SOX6: variants seen among roughly 807,000 people sequenced by gnomAD.
SOX6 encodes SRY-box transcription factor 6, also known as transcription factor SOX-6.
A neutral mutation model predicts 97.8 loss-of-function variants in SOX6; 11 were observed. That is an observed-to-expected ratio of 0.11 (90% confidence interval 0.07 to 0.19). The LOEUF (loss-of-function observed/expected upper bound fraction) is 0.19. SOX6 is among the 10% of genes least tolerant of loss of function. The pLI is 1.00. For missense variants in SOX6, 810 were observed against 1,039.5 expected, an observed-to-expected ratio of 0.78 and a Z score of 3.04; for synonymous variants, 360 against 371.4, an observed-to-expected ratio of 0.97 and a Z score of 0.35.
chr11:16,673,705 T>TA (rs962558402), intron 3 of SOX6, among the ~76,000 whole-genome samples: 39 of 151,560 alleles, frequency 2.6e-4, no homozygotes, highest in Non-Finnish European at 4.7e-4. Context: ...CAAACTATTC[T>TA]AAAAAAAACC....
At chr11:16,226,150 AT>A (rs914963960) in intron 4 of SOX6, among the ~76,000 whole-genome samples, 26 of 151,562 alleles carry the variant, frequency 1.7e-4, no homozygotes, top group Non-Finnish European at 2.7e-4. Context: ...TGTTTAGTCA[AT>A]TTTTTTTTCT....
chr11:16,397,227 T>A (rs1249915936), intron 1 of SOX6, among the ~76,000 whole-genome samples: 1 of 151,494 alleles, frequency 6.6e-6, no homozygotes, highest in African/African-American at 2.4e-5. Flanking sequence ...AATCATGTAT[T>A]TTTATAAATA....
intron 4 of SOX6, among the ~76,000 whole-genome samples, chr11:16,205,436 C>A (rs534126617): frequency 6.6e-6 from 1 of 151,986 alleles, no homozygotes; most frequent in Non-Finnish European, 1.5e-5. Flanking sequence ...TTCCCCAGAT[C>A]CTAATTTCCT....
chr11:16,664,921 G>T (rs993873321), intron 3 of SOX6, among the ~76,000 whole-genome samples: 3 of 151,928 alleles, frequency 2.0e-5, no homozygotes, highest in African/African-American at 7.3e-5. Context: ...CCTAGCTCTT[G>T]GATGACATTT....
At chr11:16,063,058 C>T (rs889802673) in intron 9 of SOX6, among the ~76,000 whole-genome samples, 3 of 151,642 alleles carry the variant, frequency 2.0e-5, no homozygotes, top group Non-Finnish European at 4.4e-5. Context: ...AAGTTTTGCA[C>T]CTTTCAAGCA....
At chr11:16,259,050 C>A (rs993433744) in intron 3 of SOX6, among the ~76,000 whole-genome samples, 2 of 151,526 alleles carry the variant, frequency 1.3e-5, no homozygotes, top group African/African-American at 4.8e-5. Context: ...TCACCATTCA[C>A]AAACAATTTG....
chr11:16,514,628 A>C (rs965594051), intron 4 of SOX6, among the ~76,000 whole-genome samples: 2 of 151,492 alleles, frequency 1.3e-5, no homozygotes, highest in South Asian at 4.2e-4. Flanking sequence ...CATGTGCCAC[A>C]CTGGTGCGCT....
intron 4 of SOX6, among the ~76,000 whole-genome samples, chr11:16,557,152 A>C (rs1847757733): frequency 6.6e-6 from 1 of 151,824 alleles, no homozygotes; most frequent in Non-Finnish European, 1.5e-5. Flanking sequence ...TCACTTAAAT[A>C]CTGGAAAATG....
chr11:16,696,535 G>C (rs1012756682), intron 3 of SOX6, among the ~76,000 whole-genome samples: 1 of 152,078 alleles, frequency 6.6e-6, no homozygotes, highest in Non-Finnish European at 1.5e-5. Context: ...TGAGTCACAT[G>C]AATTTTTTTT....
intron 12 of SOX6, among the ~76,000 whole-genome samples, chr11:16,026,161 C>G (rs1168473924): frequency 6.6e-6 from 1 of 152,122 alleles, no homozygotes; most frequent in Non-Finnish European, 1.5e-5. Context: ...ATGGTTTCTT[C>G]CAGCTCTGAA....
At chr11:16,731,471 A>G (rs1428050355) in intron 2 of SOX6, among the ~76,000 whole-genome samples, 1 of 152,226 alleles carries the variant, frequency 6.6e-6, no homozygotes, top group Non-Finnish European at 1.5e-5. Context: ...AATCCATCGC[A>G]TACACAGAAC....
intron 1 of SOX6, among the ~76,000 whole-genome samples, chr11:16,466,930 C>CA (rs764424447): frequency 0.054 from 2,228 of 41,396 alleles, 204 homozygotes; most frequent in East Asian, 0.27. Context: ...GACTCCGTCT[C>CA]AAAAAAAAAA....
intron 4 of SOX6, chr11:16,484,743 T>A (rs751719951): frequency 4.6e-5 from 21 of 451,980 alleles, no homozygotes; most frequent in Admixed American, 2.8e-4. Context: ...TTTAAAGCAA[T>A]GAAATAAGTT....
At chr11:16,512,310 G>A (rs184320525) in intron 4 of SOX6, among the ~76,000 whole-genome samples, 19 of 152,274 alleles carry the variant, frequency 1.2e-4, no homozygotes, top group African/African-American at 3.1e-4. Context: ...TTAGTGAACC[G>A]CAAACACAAA....
At position 16,193,544 on chromosome 11, in the gene SOX6, G is replaced by A. The variant is rs141084129; in HGVS notation, c.536-6589C>T. ...AATGCACACATTAATAAACTTAATC[G>A]GACTTAATGAAATTATAAGAAACCT... On this transcript the variant is annotated intron_variant, in intron 4 of 15. Transcript: ENST00000683767. Among the ~76,000 whole-genome samples, 28 of 152,136 alleles carry A rather than the reference G, an allele frequency of 1.8e-4. No individual in the cohort carries two copies. The East Asian group carries it at 2.7e-3, about 15-fold the overall frequency.
intron 4 of SOX6, among the ~76,000 whole-genome samples, chr11:16,595,108 T>G (rs918974982): frequency 6.6e-6 from 1 of 152,212 alleles, no homozygotes; most frequent in Non-Finnish European, 1.5e-5. Flanking sequence ...GTTTTTAAAC[T>G]GTTTTCTATA....
intron 3 of SOX6, among the ~76,000 whole-genome samples, chr11:16,308,506 T>A (rs1292496575): frequency 6.6e-6 from 1 of 152,148 alleles, no homozygotes; most frequent in Non-Finnish European, 1.5e-5. Flanking sequence ...CAAGCCAATA[T>A]CTGTAAGGAT....
intron 4 of SOX6, among the ~76,000 whole-genome samples, chr11:16,198,075 T>C (rs1001893998): frequency 1.3e-5 from 2 of 151,334 alleles, no homozygotes; most frequent in African/African-American, 4.9e-5. Flanking sequence ...TGTTTTGAGA[T>C]GGCGTTTTGC....
intron 13 of SOX6, among the ~76,000 whole-genome samples, chr11:15,990,557 T>C (rs983637997): frequency 6.6e-6 from 1 of 152,116 alleles, no homozygotes; most frequent in Non-Finnish European, 1.5e-5. Context: ...ATATGTTATA[T>C]TAATGCATGA....
Sources: allele counts gnomAD v4.1 joint callset (sites outside exome capture counted in the v4.1 genomes callset), GRCh38; gene constraint gnomAD v4.1.1; transcripts MANE v1.5; gene names NCBI Gene and HGNC (gene_info 2026-07-23, HGNC 2026-07-21).